The following CAST variants were observed in gnomAD, a reference collection of about 807,000 sequenced individuals.
CAST encodes calpastatin, also known as MIR583 host.
A neutral mutation model predicts 119.6 loss-of-function variants in CAST; 76 were observed. That is an observed-to-expected ratio of 0.64 (90% confidence interval 0.53 to 0.77). CAST has a LOEUF of 0.77. Ranked by LOEUF, CAST falls within the 30% of genes least tolerant of loss-of-function variation. CAST has a pLI of 0.00. For synonymous variants in CAST, 319 were observed against 331.6 expected (o/e 0.96, Z 0.41); for missense variants, 953 against 946.5 (o/e 1.01, Z -0.09).
At chr5:96,568,659 C>T (rs1428757778) in intron 1 of CAST, among the ~76,000 whole-genome samples, 1 of 150,766 alleles carries the variant, frequency 6.6e-6, no homozygotes, top group Non-Finnish European at 1.5e-5. Flanking sequence ...TTATATTTTG[C>T]CTCTGATTAC....
intron 4 of CAST, among the ~76,000 whole-genome samples, chr5:96,723,545 A>G (rs1758684168): frequency 1.3e-5 from 2 of 151,984 alleles, no homozygotes; most frequent in African/African-American, 4.8e-5. Context: ...CTTGAGCTCT[A>G]TTTGGGATTT....
At chr5:96,074,511 G>A in the CAST span, among the ~76,000 whole-genome samples, 1 of 152,202 alleles carries the variant, frequency 6.6e-6, no homozygotes, top group East Asian at 1.9e-4. Context: ...AATTATGCTT[G>A]TACCCTTATC....
Position 96,771,584 on chromosome 5 carries a change from C to G in CAST, c.2341-60C>G. 3.2e-6 allele frequency: 4 copies of G among 1,255,230 alleles called. No individual in the cohort carries two copies. The South Asian group carries it at 5.3e-5, about 17-fold the overall frequency. 77.8% of individuals were successfully genotyped at this position (1,255,230 alleles called of 1,614,324 possible). On this transcript the variant is annotated intron_variant, in intron 30 of 31. Transcript: ENST00000675179. ...TTTTGTCCCCTAATTCTGAGAAGGC[C>G]ATCTCCTCATACTTAATACAGAAAA...
the CAST span, among the ~76,000 whole-genome samples, chr5:96,168,359 C>T: frequency 6.6e-6 from 1 of 152,182 alleles, no homozygotes; most frequent in Non-Finnish European, 1.5e-5. Flanking sequence ...ATTAAAGAGG[C>T]ATTAATGATG....
intron 7 of CAST, 56 bp from the exon 8 acceptor site, chr5:96,729,556 C>T (rs1490395149): frequency 1.3e-6 from 1 of 770,356 alleles, no homozygotes; most frequent in Non-Finnish European, 2.4e-6. Flanking sequence ...TTTAAGACTA[C>T]CATCTTGTTA....
chr5:96,600,983 G>T (rs1290374195), intron 1 of CAST, among the ~76,000 whole-genome samples: 1 of 152,018 alleles, frequency 6.6e-6, no homozygotes, highest in Non-Finnish European at 1.5e-5. Context: ...TTTTCCTTCT[G>T]CTTTTCTTCT....
intron 1 of CAST, among the ~76,000 whole-genome samples, chr5:96,619,190 C>T (rs1324433263): frequency 6.6e-6 from 1 of 152,106 alleles, no homozygotes; most frequent in African/African-American, 2.4e-5. Flanking sequence ...CACCAATCAG[C>T]ACTCTGTATC....
chr5:96,693,489 T>C (rs974759964), intron 2 of CAST, among the ~76,000 whole-genome samples: 2 of 152,196 alleles, frequency 1.3e-5, no homozygotes, highest in African/African-American at 4.8e-5. Flanking sequence ...TAGCCCAGGA[T>C]TGGAACATGG....
the CAST span, among the ~76,000 whole-genome samples, chr5:96,453,454 A>G: frequency 1.0e-4 from 16 of 152,390 alleles, 1 homozygote; most frequent in Middle Eastern, 6.8e-3. Context: ...TCTTAAGGCA[A>G]TAAAATTTCT....
chr5:96,663,174 G>C (rs1748813193), intron 1 of CAST: 1 of 702,728 alleles, frequency 1.4e-6, no homozygotes, highest in Non-Finnish European at 2.6e-6. Flanking sequence ...ACGGTAAATA[G>C]GAGCGGTTGT....
chr5:96,102,673 T>A, the CAST span, among the ~76,000 whole-genome samples: 1 of 151,864 alleles, frequency 6.6e-6, no homozygotes, highest in South Asian at 2.1e-4. Flanking sequence ...ATGAACCTCT[T>A]GCCTAACCAG....
chr5:96,358,538 T>A, the CAST span, among the ~76,000 whole-genome samples: 89 of 152,356 alleles, frequency 5.8e-4, no homozygotes, highest in Non-Finnish European at 1.0e-3. Flanking sequence ...GTGTTTTTGT[T>A]CTCATTGGTT....
chr5:96,532,078 C>T (rs1439664370), intron 1 of CAST, among the ~76,000 whole-genome samples: 1 of 151,954 alleles, frequency 6.6e-6, no homozygotes, highest in Admixed American at 6.6e-5. Flanking sequence ...CAAAGCAAGA[C>T]CTCCCCATCT....
At chr5:96,486,421 A>G in the CAST span, among the ~76,000 whole-genome samples, 85 of 152,222 alleles carry the variant, frequency 5.6e-4, 1 homozygote, top group East Asian at 5.0e-3. Context: ...GAGACACACC[A>G]TTTTACTAGG....
At chr5:96,600,544 A>C (rs78082822) in intron 1 of CAST, among the ~76,000 whole-genome samples, 3,231 of 152,318 alleles carry the variant, frequency 0.021, 117 homozygotes, top group African/African-American at 0.066. Context: ...AGAGAAAAAC[A>C]GTTCCCTGGT....
chr5:96,606,628 C>T (rs757824502), intron 1 of CAST, among the ~76,000 whole-genome samples: 2 of 152,082 alleles, frequency 1.3e-5, no homozygotes, highest in Non-Finnish European at 2.9e-5. Flanking sequence ...GAGGTTGGCT[C>T]GGAAAGAAGG....
intron 1 of CAST, among the ~76,000 whole-genome samples, chr5:96,550,919 A>C (rs1222620653): frequency 6.6e-6 from 1 of 152,238 alleles, no homozygotes; most frequent in Non-Finnish European, 1.5e-5. Flanking sequence ...GGACTATGTG[A>C]AAAGACCAAA....
At chr5:96,609,177 C>A (rs370667587) in intron 1 of CAST, among the ~76,000 whole-genome samples, 4 of 152,282 alleles carry the variant, frequency 2.6e-5, no homozygotes, top group African/African-American at 9.6e-5. Flanking sequence ...CTTTAAAAAC[C>A]TTTACCTCCT....
At chr5:96,297,087 T>C in the CAST span, among the ~76,000 whole-genome samples, 1 of 152,180 alleles carries the variant, frequency 6.6e-6, no homozygotes, top group African/African-American at 2.4e-5. Flanking sequence ...CTTAGAAAGA[T>C]TTTAATGCAC....
Sources: allele counts gnomAD v4.1 joint callset (sites outside exome capture counted in the v4.1 genomes callset), GRCh38; gene constraint gnomAD v4.1.1; transcripts MANE v1.5; gene names NCBI Gene and HGNC (gene_info 2026-07-23, HGNC 2026-07-21).